Variants in MARCHF4 observed in about 807,000 individuals in gnomAD.
MARCHF4 encodes the protein membrane associated ring-CH-type finger 4, also known as E3 ubiquitin-protein ligase MARCHF4.
Under a neutral mutation model 43.9 loss-of-function variants are expected in MARCHF4, and 14 were observed. That is an observed-to-expected ratio of 0.32 (90% CI 0.21 to 0.50). MARCHF4 has a LOEUF of 0.50. Ranked by LOEUF, MARCHF4 falls within the 20% of genes least tolerant of loss-of-function variation. The probability of loss-of-function intolerance (pLI) is 0.98; values close to 1 mark genes in which losing one functional copy is unlikely to be tolerated. For synonymous variants in MARCHF4, 226 were observed against 213.3 expected, an observed-to-expected ratio of 1.06 and a Z score of -0.52; for missense variants, 468 against 536.7, an observed-to-expected ratio of 0.87 and a Z score of 1.27.
At position 216,370,223 on chromosome 2, in the gene MARCHF4, C is replaced by G. The variant is rs143012980; in HGVS notation, c.38G>C (p.Trp13Ser). 6.2e-7 allele frequency: 1 copy of G among 1,610,088 alleles called. No individual in the cohort carries two copies. The change falls in exon 1 of 4, where the codon TGG (tryptophan) becomes TCG (serine). Residue 13 changes from tryptophan to serine, a missense_variant. Physicochemically the swap from Trp to Ser is radical, Grantham distance 177 (BLOSUM62 -3). This residue lies in a region of MARCHF4 where 190 missense variants were observed against 158.5 expected (regional missense o/e 1.20). Coordinates refer to ENST00000273067, the MANE Select transcript of MARCHF4 (RefSeq NM_020814.3). ...MPLCGLLWWW[W>S]CCCSGWYCYG... Reference sequence around the variant, plus strand: ...GCAGTACCAGCCGGAGCAGCAGCACCACCACCACCAGAGCAGCCCACACAG... The same window carrying G: ...GCAGTACCAGCCGGAGCAGCAGCACGACCACCACCAGAGCAGCCCACACAG...
intron 1 of MARCHF4, among the ~76,000 whole-genome samples, chr2:216,297,358 T>C (rs563527207): frequency 5.3e-5 from 8 of 152,212 alleles, no homozygotes; most frequent in African/African-American, 1.9e-4. Flanking sequence ...CTTCCAGTTT[T>C]CCCATTCCGA....
chr2:216,339,036 G>T (rs1692198719), intron 1 of MARCHF4, among the ~76,000 whole-genome samples: 1 of 152,168 alleles, frequency 6.6e-6, no homozygotes, highest in Admixed American at 6.5e-5. Flanking sequence ...GCTGTCCCAG[G>T]TTGGACAGAA....
chr2:216,290,586 G>A (rs575154357), intron 1 of MARCHF4, among the ~76,000 whole-genome samples: 1 of 152,292 alleles, frequency 6.6e-6, no homozygotes, highest in African/African-American at 2.4e-5. Flanking sequence ...TATTTGACAG[G>A]ATCACTGGCT....
At position 216,281,358 on chromosome 2, in the gene MARCHF4, C is replaced by T. The variant is rs116644632; in HGVS notation, c.672+2216G>A. Among the ~76,000 whole-genome samples the T allele has an allele frequency of 4.4e-3, 677 of 152,294 alleles. 4 individuals are homozygous for T. The highest frequency in any genetic ancestry group is 0.015 in the African/African-American group (640 of 41,568). On this transcript the variant is annotated intron_variant, in intron 2 of 3. Transcript: ENST00000273067. ...GGATCACAAATGTGAGCCACCATGC[C>T]TGGCCTATTTCTCATGACTCTGTCT...
At chr2:216,268,651 T>C (rs1306641174) in intron 3 of MARCHF4, among the ~76,000 whole-genome samples, 1 of 152,206 alleles carries the variant, frequency 6.6e-6, no homozygotes, top group Non-Finnish European at 1.5e-5. Context: ...ATCAGGGAAG[T>C]CCTTTATAGC....
chr2:216,280,717 G>A (rs1691113888), intron 2 of MARCHF4, among the ~76,000 whole-genome samples: 1 of 152,074 alleles, frequency 6.6e-6, no homozygotes, highest in African/African-American at 2.4e-5. Flanking sequence ...TGTCACCCTG[G>A]GCATGTTGGT....
At position 216,336,914 on chromosome 2, in the gene MARCHF4, G is replaced by A. The variant is rs1455726252; in HGVS notation, c.516+32831C>T. ...CACCTGTAATCCCAGCATTTTGGGA[G>A]GCTGAGGCAGGCAGATCACCTGAGG... On this transcript the variant is annotated intron_variant, in intron 1 of 3. Coordinates refer to ENST00000273067, the MANE Select transcript of MARCHF4 (RefSeq NM_020814.3). Among the ~76,000 whole-genome samples the A allele has an allele frequency of 2.6e-5, 4 of 151,990 alleles. No homozygotes were observed. In the East Asian group the frequency reaches 7.7e-4, roughly 29 times the overall value.
Position 216,277,675 on chromosome 2 carries a change from T to G in MARCHF4, c.862A>C (p.Ile288Leu). The change falls in exon 3 of 4, where the codon ATA becomes CTA. Residue 288 changes from isoleucine to leucine, a missense_variant. By Grantham distance (5) the Ile-to-Leu change is conservative. This residue lies in a region of MARCHF4 where 158 missense variants were observed against 251.1 expected (regional missense o/e 0.63). Coordinates refer to ENST00000273067, the MANE Select transcript of MARCHF4 (RefSeq NM_020814.3). ...GMYGFMDVVCIGLIIHEGPSV... is the reference protein window; with the variant it reads ...GMYGFMDVVCLGLIIHEGPSV... ...GGAGACAAACCCCCAGACCCACCTA[T>G]GCACACCACGTCCATGAAGCCATAC... 5.0e-6 allele frequency: 8 copies of G among 1,608,660 alleles called. No individual in the cohort carries two copies. The highest frequency in any genetic ancestry group is 6.8e-6 in the Non-Finnish European group (8 of 1,175,886).
intron 1 of MARCHF4, among the ~76,000 whole-genome samples, chr2:216,320,609 TTCTTTCTTTC>T (rs1248207628): frequency 0.026 from 937 of 35,386 alleles, 18 homozygotes; most frequent in African/African-American, 0.044. Flanking sequence ...TAGCCTCTTT[TTCTTTCTTTC>T]TTTCTTTCTT....
In MARCHF4 at chr2:216,288,811, G is replaced by A. The variant is rs183355728; in HGVS notation, c.517-5082C>T. ...ATATGCCTCCCCAAAATACGAAGGC[G>A]TGTTGAGCTAAGACAATTAAGAAGC... On this transcript the variant is annotated intron_variant, in intron 1 of 3. Coordinates refer to ENST00000273067, the MANE Select transcript of MARCHF4 (RefSeq NM_020814.3). 3.1e-4 allele frequency among the ~76,000 whole-genome samples: 47 copies of A among 152,234 alleles called. 1 individual carries two copies. Among genetic ancestry groups the A allele is most frequent in the Admixed American group, 2.7e-3 (42 of 15,286 alleles).
At chr2:216,264,631 T>TG (rs1559280781) in intron 3 of MARCHF4, among the ~76,000 whole-genome samples, 1 of 152,102 alleles carries the variant, frequency 6.6e-6, no homozygotes, top group Non-Finnish European at 1.5e-5. Flanking sequence ...GTGGAAGAGA[T>TG]GGGGTGTGGA....
chr2:216,358,302 C>A (rs1692530661), intron 1 of MARCHF4, among the ~76,000 whole-genome samples: 1 of 152,206 alleles, frequency 6.6e-6, no homozygotes, highest in African/African-American at 2.4e-5. Context: ...ATCAACCTTG[C>A]TAATTTTCTC....
At chr2:216,278,838 A>G (rs992613667) in intron 2 of MARCHF4, among the ~76,000 whole-genome samples, 4 of 152,148 alleles carry the variant, frequency 2.6e-5, no homozygotes, top group Admixed American at 2.0e-4. Flanking sequence ...GTGAGTTTCA[A>G]CTCTGAAAGT....
At chr2:216,344,213 T>A (rs1411393505) in intron 1 of MARCHF4, among the ~76,000 whole-genome samples, 4 of 151,812 alleles carry the variant, frequency 2.6e-5, no homozygotes, top group Non-Finnish European at 5.9e-5. Flanking sequence ...ACTTCCCAAC[T>A]TTTTAACTCA....
chr2:216,312,226 T>G (rs1691698247), intron 1 of MARCHF4, among the ~76,000 whole-genome samples: 1 of 152,222 alleles, frequency 6.6e-6, no homozygotes, highest in Non-Finnish European at 1.5e-5. Context: ...TTTCTGTGTC[T>G]GGGTTCCTTT....
chr2:216,323,664 C>G (rs974795053), intron 1 of MARCHF4, among the ~76,000 whole-genome samples: 2 of 152,186 alleles, frequency 1.3e-5, no homozygotes, highest in African/African-American at 4.8e-5. Flanking sequence ...GAAACTCACT[C>G]AAAACCACTC....
At chr2:216,309,651 G>T (rs1299354952) in intron 1 of MARCHF4, among the ~76,000 whole-genome samples, 1 of 152,142 alleles carries the variant, frequency 6.6e-6, no homozygotes, top group Non-Finnish European at 1.5e-5. Flanking sequence ...TTTAGTCTGA[G>T]CTGAGTTTAT....
intron 3 of MARCHF4, among the ~76,000 whole-genome samples, chr2:216,271,578 G>C (rs1690938892): frequency 6.6e-6 from 1 of 152,140 alleles, no homozygotes; most frequent in South Asian, 2.1e-4. Context: ...AAACAAGGCA[G>C]CCAACAAAAG....
At chr2:216,320,803 T>C (rs1273155642) in intron 1 of MARCHF4, among the ~76,000 whole-genome samples, 14 of 149,626 alleles carry the variant, frequency 9.4e-5, no homozygotes, top group African/African-American at 3.0e-4. Flanking sequence ...CCTGAGTAGC[T>C]GGGATTACAG....
Sources: gnomAD v4.1 joint callset for allele counts (sites outside exome capture counted in the v4.1 genomes callset) on GRCh38, gnomAD v4.1.1 for gene constraint, gnomAD v4.1.1 regional missense constraint, MANE v1.5 for transcripts, NCBI Gene and HGNC (gene_info 2026-07-23, HGNC 2026-07-21) for gene names.